WDPCP: variants seen among roughly 807,000 people sequenced by gnomAD.
The protein encoded by WDPCP is WD repeat containing planar cell polarity effector, also known as WD repeat-containing and planar cell polarity effector protein fritz homolog.
WDPCP carries 71 observed loss-of-function variants against 93.1 expected under a neutral mutation model. The ratio of observed to expected loss-of-function variants is 0.76; its 90% confidence interval spans 0.63 to 0.93. The LOEUF (loss-of-function observed/expected upper bound fraction) is 0.93, where lower values mean the gene tolerates loss of function less well. WDPCP is among the 40% of genes least tolerant of loss of function. The pLI, the probability that WDPCP is intolerant of heterozygous loss-of-function variation, is 0.00. For missense variants in WDPCP, 844 were observed against 887.4 expected (o/e 0.95, Z 0.62); for synonymous variants, 315 against 315.0 (o/e 1.00, Z 0.00).
intron 14 of WDPCP, among the ~76,000 whole-genome samples, chr2:63,242,110 T>C (rs1041432762): frequency 3.9e-5 from 6 of 152,154 alleles, no homozygotes; most frequent in Non-Finnish European, 5.9e-5. Context: ...GGTAATAATA[T>C]GAGTGATCTT....
intron 14 of WDPCP, among the ~76,000 whole-genome samples, chr2:63,203,327 C>G (rs1315954597): frequency 6.6e-6 from 1 of 152,120 alleles, no homozygotes; most frequent in Admixed American, 6.6e-5. Flanking sequence ...CAATTATACT[C>G]TTTTAGTCAT....
intron 9 of WDPCP, among the ~76,000 whole-genome samples, chr2:63,409,814 A>T (rs1694899897): frequency 6.6e-6 from 1 of 152,182 alleles, no homozygotes; most frequent in African/African-American, 2.4e-5. Context: ...CTGGAAGACA[A>T]AGTCTTCCAA....
At position 63,766,115 on chromosome 2, in the gene WDPCP, G is replaced by A. The variant is rs189994025; in HGVS notation, n.308+47507C>T. 5.7e-4 allele frequency among the ~76,000 whole-genome samples: 87 copies of A among 152,330 alleles called. 1 individual carries two copies. The highest frequency in any genetic ancestry group is 5.8e-4 in the East Asian group (3 of 5,188). On this transcript the variant is annotated intron_variant and non_coding_transcript_variant, in intron 2 of 4. Transcript: ENST00000467687. Reference sequence around the variant, plus strand: ...ATATCACTGTAATGGATGAGTGGAGGTAGAGCACAGAGCAGGCAGTTCTGC... The same window carrying A: ...ATATCACTGTAATGGATGAGTGGAGATAGAGCACAGAGCAGGCAGTTCTGC...
At chr2:63,209,154 T>G (rs1448951284) in intron 14 of WDPCP, among the ~76,000 whole-genome samples, 1 of 152,230 alleles carries the variant, frequency 6.6e-6, no homozygotes, top group African/African-American at 2.4e-5. Flanking sequence ...TCCATCCCAC[T>G]CCTTCACAGG....
At chr2:63,294,508 GAAAAAAAAAA>G (rs59228476) in intron 13 of WDPCP, among the ~76,000 whole-genome samples, 1 of 48,324 alleles carries the variant, frequency 2.1e-5, no homozygotes, top group Non-Finnish European at 3.6e-5. Context: ...AGACTGTTTC[GAAAAAAAAAA>G]AAAAAAAAAA....
chr2:63,589,497 A>G (rs554173052), upstream of WDPCP: 238 of 997,512 alleles, frequency 2.4e-4, no homozygotes, highest in Non-Finnish European at 3.4e-4. Context: ...CTGGAAAGGT[A>G]GTATTTACCA....
At chr2:63,426,042 A>G (rs550765121) in intron 9 of WDPCP, among the ~76,000 whole-genome samples, 1 of 152,294 alleles carries the variant, frequency 6.6e-6, no homozygotes, top group African/African-American at 2.4e-5. Context: ...GCAGAAACTT[A>G]AAAGGCAAAA....
chr2:63,704,875 A>G (rs1277219120), intron 2 of WDPCP, among the ~76,000 whole-genome samples: 1 of 152,178 alleles, frequency 6.6e-6, no homozygotes, highest in Non-Finnish European at 1.5e-5. Context: ...AAGGAATGGT[A>G]CCAGCTCCTC....
chr2:63,148,205 A>C (rs1671655957), intron 17 of WDPCP, among the ~76,000 whole-genome samples: 1 of 152,014 alleles, frequency 6.6e-6, no homozygotes, highest in Non-Finnish European at 1.5e-5. Flanking sequence ...GTTGATAAAA[A>C]TGTCCCAGCA....
At chr2:63,432,316 C>T (rs370693105) in intron 9 of WDPCP, among the ~76,000 whole-genome samples, 1 of 152,160 alleles carries the variant, frequency 6.6e-6, no homozygotes, top group African/African-American at 2.4e-5. Context: ...GAATCGATCA[C>T]CACTTTCTGT....
chr2:63,456,080 T>C (rs1175186085), intron 6 of WDPCP, among the ~76,000 whole-genome samples: 1 of 152,076 alleles, frequency 6.6e-6, no homozygotes, highest in East Asian at 1.9e-4. Context: ...AACCATTGGA[T>C]CAATAAAGAA....
At chr2:63,266,579 G>A (rs761228408) in intron 13 of WDPCP, among the ~76,000 whole-genome samples, 14 of 152,224 alleles carry the variant, frequency 9.2e-5, no homozygotes, top group Admixed American at 5.9e-4. Flanking sequence ...ACGCTGAGGC[G>A]GGTGGATCAC....
At chr2:63,247,857 T>A (rs1170682486) in intron 14 of WDPCP, among the ~76,000 whole-genome samples, 4 of 152,066 alleles carry the variant, frequency 2.6e-5, no homozygotes, top group Admixed American at 2.6e-4. Context: ...TTTCCTCCAT[T>A]GCTGCCTTCT....
At chr2:63,269,861 C>T (rs1205755345) in intron 13 of WDPCP, among the ~76,000 whole-genome samples, 3 of 152,284 alleles carry the variant, frequency 2.0e-5, no homozygotes, top group East Asian at 3.9e-4. Context: ...AAGTTGCCTT[C>T]AACACATTCA....
intron 1 of WDPCP, among the ~76,000 whole-genome samples, chr2:63,498,556 T>C (rs977999949): frequency 2.0e-5 from 3 of 152,204 alleles, no homozygotes; most frequent in South Asian, 4.1e-4. Flanking sequence ...GAAAGTAACA[T>C]GCAAAATAGA....
intron 12 of WDPCP, chr2:63,378,129 C>G (rs1692005301): frequency 2.2e-6 from 1 of 463,020 alleles, no homozygotes; most frequent in African/African-American, 2.0e-5. Flanking sequence ...TCTACATTGA[C>G]TTTACATAGC....
chr2:63,425,755 C>A (rs1165345104), intron 9 of WDPCP, among the ~76,000 whole-genome samples: 2 of 152,136 alleles, frequency 1.3e-5, no homozygotes, highest in African/African-American at 2.4e-5. Context: ...GACTCACTGG[C>A]ATTTCTCAGA....
At chr2:63,184,037 A>T (rs575140865) in intron 14 of WDPCP, among the ~76,000 whole-genome samples, 1 of 152,178 alleles carries the variant, frequency 6.6e-6, no homozygotes, top group Admixed American at 6.5e-5. Flanking sequence ...GGAGTTTCTT[A>T]TAGTTCTTAT....
intron 2 of WDPCP, among the ~76,000 whole-genome samples, chr2:63,685,229 G>T (rs1013492971): frequency 6.6e-6 from 1 of 152,096 alleles, no homozygotes; most frequent in African/African-American, 2.4e-5. Flanking sequence ...AAGAAAAAGA[G>T]AGAGAAGACC....
Sources: gnomAD v4.1 joint callset for allele counts (sites outside exome capture counted in the v4.1 genomes callset) on GRCh38, gnomAD v4.1.1 for gene constraint, MANE v1.5 for transcripts, NCBI Gene and HGNC (gene_info 2026-07-23, HGNC 2026-07-21) for gene names.